Variants in CNBP observed in about 807,000 individuals in gnomAD.
CNBP encodes the protein cellular nucleic acid-binding protein.
In CNBP, 6 loss-of-function variants were observed where a neutral mutation model predicts 21.2. The ratio of observed to expected loss-of-function variants is 0.28; its 90% CI spans 0.16 to 0.56. The LOEUF (loss-of-function observed/expected upper bound fraction) is 0.56, where lower values mean the gene tolerates loss of function less well. Ranked by LOEUF, CNBP falls within the 20% of genes least tolerant of loss-of-function variation. The pLI, the probability that CNBP is intolerant of heterozygous loss-of-function variation, is 0.93. For synonymous variants in CNBP, 61 were observed against 74.9 expected, an observed-to-expected ratio of 0.81 and a Z score of 0.96; for missense variants, 112 against 233.1, an observed-to-expected ratio of 0.48 and a Z score of 3.38.
In CNBP at chr3:129,172,691, G is replaced by GACAC. The variant is rs1167575619; in HGVS notation, c.-14-921_-14-920insGTGT. On this transcript the variant is annotated intron_variant, in intron 1 of 4. Transcript: ENST00000422453. ...AGACAGACAGACAGACAGACAGACA[G>GACAC]ACAGACACACACACACACACACACA... Among the ~76,000 whole-genome samples, 221 of 74,540 alleles carry GACAC rather than the reference G, an allele frequency of 3.0e-3. 5 individuals are homozygous for GACAC. The highest frequency in any genetic ancestry group is 3.6e-3 in the Non-Finnish European group (127 of 35,070). 48.9% of individuals were successfully genotyped at this position (74,540 alleles called of 152,430 possible).
Position 129,171,087 on chromosome 3 carries a change from C to T in CNBP, c.408G>A (p.Lys136=). Residue 136 remains lysine (K), a synonymous_variant, in exon 4 of 5, where the codon AAG becomes AAA. Coordinates refer to ENST00000422453, the MANE Select transcript of CNBP (RefSeq NM_003418.5). ...GHIQKDCTKV[K]CYRCGETGHV... ...ACATTCTGACACCTTACCTATAGCA[C>T]TTCACTTTGGTGCAGTCTTTTTGAA... 1 of 1,613,304 alleles carries T rather than the reference C, an allele frequency of 6.2e-7. No individual in the cohort carries two copies. The highest frequency in any genetic ancestry group is 8.5e-7 in the Non-Finnish European group (1 of 1,179,944).
At chr3:129,178,173 A>T (rs950843178) in intron 1 of CNBP, among the ~76,000 whole-genome samples, 18 of 151,474 alleles carry the variant, frequency 1.2e-4, no homozygotes, top group African/African-American at 4.4e-4. Context: ...AAAAAAAAAA[A>T]AAAAAATAAG....
chr3:129,179,111 C>G (rs1490673280), intron 1 of CNBP, among the ~76,000 whole-genome samples: 2 of 151,876 alleles, frequency 1.3e-5, no homozygotes, highest in Non-Finnish European at 2.9e-5. Flanking sequence ...AATCCCGTCT[C>G]TACTAAAAAC....
Position 129,169,904 on chromosome 3 carries a change from T to C in CNBP, c.*549A>G, listed in dbSNP as rs184262675. On this transcript the variant is annotated 3_prime_UTR_variant, in exon 5 of 5. Transcript: ENST00000422453. ...AACACTGTGATGAAGTTGTTCCTGT[T>C]TAGGCTTTTATTCCGATTTCTCTCG... The C allele has an allele frequency of 8.7e-6, 2 of 231,110 alleles. No individual in the cohort carries two copies. Among genetic ancestry groups the C allele is most frequent in the East Asian group, 6.3e-5 (1 of 15,938 alleles). 14.3% of individuals were successfully genotyped at this position (231,110 alleles called of 1,614,324 possible). A position where few individuals can be genotyped will look rare whatever the true frequency, so the allele number is the denominator to read the frequency against.
chr3:129,171,381 A>G (rs543339484), intron 3 of CNBP, 65 bp downstream of exon 3: 1 of 1,587,710 alleles, frequency 6.3e-7, no homozygotes, highest in East Asian at 2.2e-5. Flanking sequence ...AATGCTATAC[A>G]CAGTTGCATG....
chr3:129,179,677 T>C (rs1461541642), intron 1 of CNBP, among the ~76,000 whole-genome samples: 1 of 151,998 alleles, frequency 6.6e-6, no homozygotes, highest in Non-Finnish European at 1.5e-5. Flanking sequence ...CTGGCCAACA[T>C]AGTGACACCC....
chr3:129,182,595 A>AT (rs1168777575), intron 1 of CNBP, among the ~76,000 whole-genome samples: 1 of 152,190 alleles, frequency 6.6e-6, no homozygotes, highest in East Asian at 1.9e-4. Flanking sequence ...AGCTAGTTGA[A>AT]TTTCGTGTCT....
intron 1 of CNBP, among the ~76,000 whole-genome samples, chr3:129,183,305 A>G (rs549499554): frequency 4.2e-4 from 64 of 151,638 alleles, no homozygotes; most frequent in African/African-American, 1.5e-3. Context: ...CAGGCGCACG[A>G]CCCCAGCACA....
chr3:129,168,205 C>A lies in CNBP; in HGVS notation c.*2248G>T, dbSNP rs1046579928. Among the ~76,000 whole-genome samples the A allele has an allele frequency of 6.6e-6, 1 of 152,148 alleles. No individual in the cohort carries two copies. Among genetic ancestry groups the A allele is most frequent in the Admixed American group, 6.6e-5 (1 of 15,264 alleles). ...AGTGAATAATGGTTGAAGTTCCAGG[C>A]TCTAACTGTACATCCTTAAGTAAAT... On this transcript the variant is annotated 3_prime_UTR_variant, in exon 5 of 5. Coordinates refer to ENST00000422453, the MANE Select transcript of CNBP (RefSeq NM_003418.5).
chr3:129,181,920 G>T (rs1576929229), intron 1 of CNBP, among the ~76,000 whole-genome samples: 1 of 151,958 alleles, frequency 6.6e-6, no homozygotes, highest in Non-Finnish European at 1.5e-5. Flanking sequence ...TTGTAGACAA[G>T]AATCAGGCTC....
At chr3:129,176,992 A>C (rs1050650399) in intron 1 of CNBP, among the ~76,000 whole-genome samples, 4 of 152,204 alleles carry the variant, frequency 2.6e-5, no homozygotes, top group Non-Finnish European at 5.9e-5. Context: ...TGTGGCTGAG[A>C]AATTTACACC....
At chr3:129,172,730 ACACT>A (rs1937638647) in intron 1 of CNBP, among the ~76,000 whole-genome samples, 1 of 150,728 alleles carries the variant, frequency 6.6e-6, no homozygotes, top group African/African-American at 2.4e-5. Flanking sequence ...ACACACACAC[ACACT>A]GGCAGTAATA....
chr3:129,172,617 CAGGCAGCCAGGCAGGCAGG>C (rs1172425298), intron 1 of CNBP, among the ~76,000 whole-genome samples: 10,244 of 78,092 alleles, frequency 0.13, 1,276 homozygotes, highest in Middle Eastern at 0.23. Flanking sequence ...GACAGGCAGA[CAGGCAGCCAGGCAGGCAGG>C]CAGGCAGGCA....
rs1937518759 is a variant in CNBP, at chr3:129,168,963, G to A, written c.*1490C>T. The stretch of plus-strand genomic sequence containing the variant: ...TACAAAAAAAAAAAATTAGCTGGGC[G>A]CGGTGGCGGGTACCTGTAGCCCCAG... On this transcript the variant is annotated 3_prime_UTR_variant, in exon 5 of 5. Transcript: ENST00000422453. Among the ~76,000 whole-genome samples, 2 of 151,458 alleles carry A rather than the reference G, an allele frequency of 1.3e-5. No homozygotes were observed. Among genetic ancestry groups the A allele is most frequent in the Non-Finnish European group, 2.9e-5 (2 of 67,910 alleles).
intron 4 of CNBP, 114 bp downstream of exon 4, chr3:129,170,965 T>C (rs1937557156): frequency 8.3e-6 from 9 of 1,082,306 alleles, no homozygotes; most frequent in Admixed American, 7.3e-5. Flanking sequence ...ATTGGTCTTA[T>C]CTGGTCACAG....
At position 129,168,697 on chromosome 3, in the gene CNBP, C is replaced by T. The variant is rs190331793; in HGVS notation, c.*1756G>A. On this transcript the variant is annotated 3_prime_UTR_variant, in exon 5 of 5. Coordinates refer to ENST00000422453, the MANE Select transcript of CNBP (RefSeq NM_003418.5). ...TCAGAATCGGCCAGACACGGTGGCT[C>T]GCACCTGTAACACTAGCACTTTGGG... Among the ~76,000 whole-genome samples the T allele has an allele frequency of 6.7e-6, 1 of 149,642 alleles. No individual in the cohort carries two copies. The highest frequency in any genetic ancestry group is 2.5e-5 in the African/African-American group (1 of 40,608).
intron 1 of CNBP, among the ~76,000 whole-genome samples, chr3:129,177,236 T>C (rs1937964136): frequency 6.6e-6 from 1 of 152,234 alleles, no homozygotes; most frequent in Admixed American, 6.5e-5. Flanking sequence ...CACCACTTAC[T>C]GAAGGTTCCT....
intron 1 of CNBP, among the ~76,000 whole-genome samples, chr3:129,182,838 G>A (rs973105536): frequency 1.3e-5 from 2 of 152,102 alleles, no homozygotes; most frequent in African/African-American, 4.8e-5. Flanking sequence ...TTCAAGAATC[G>A]GAAAACTATC....
At chr3:129,177,862 G>A (rs1938020602) in intron 1 of CNBP, among the ~76,000 whole-genome samples, 1 of 152,152 alleles carries the variant, frequency 6.6e-6, no homozygotes. Flanking sequence ...GACTAAGATA[G>A]TCAAGATAAG....
Sources: gnomAD v4.1 joint callset for allele counts (sites outside exome capture counted in the v4.1 genomes callset) on GRCh38, gnomAD v4.1.1 for gene constraint, MANE v1.5 for transcripts, NCBI Gene and HGNC (gene_info 2026-07-23, HGNC 2026-07-21) for gene names.